WWOX: variants seen among roughly 807,000 people sequenced by gnomAD.
WWOX encodes the protein WW domain containing oxidoreductase.
In WWOX, 69 loss-of-function variants were observed where a neutral mutation model predicts 46.2. That is an observed-to-expected ratio of 1.49 (90% CI 1.23 to 1.82). The LOEUF (loss-of-function observed/expected upper bound fraction) is 1.82, where lower values mean the gene tolerates loss of function less well. Ranked by LOEUF, WWOX falls within the 40% of genes most tolerant of loss-of-function variation. The pLI is 0.00. For synonymous variants in WWOX, 359 were observed against 202.6 expected (o/e 1.77, Z -6.56); for missense variants, 919 against 542.6 (o/e 1.69, Z -6.89).
At chr16:78,670,698 GAT>G (rs1597422347) in intron 8 of WWOX, among the ~76,000 whole-genome samples, 1 of 152,164 alleles carries the variant, frequency 6.6e-6, no homozygotes, top group East Asian at 1.9e-4. Context: ...AAAAAACAGA[GAT>G]AGAGTCTTGC....
At chr16:78,923,228 A>C (rs540450132) in intron 8 of WWOX, among the ~76,000 whole-genome samples, 5 of 152,092 alleles carry the variant, frequency 3.3e-5, no homozygotes, top group Non-Finnish European at 7.3e-5. Context: ...TGATCTGCGT[A>C]ACTCGGCCTC....
chr16:78,801,304 G>T (rs1207419717), intron 8 of WWOX, among the ~76,000 whole-genome samples: 1 of 152,146 alleles, frequency 6.6e-6, no homozygotes, highest in Non-Finnish European at 1.5e-5. Context: ...GAGGTTGGGA[G>T]TTTGAGACCA....
intron 8 of WWOX, among the ~76,000 whole-genome samples, chr16:79,022,262 C>T (rs559894680): frequency 2.7e-4 from 40 of 146,014 alleles, no homozygotes; most frequent in African/African-American, 1.0e-3. Context: ...GCTTGGGGCA[C>T]ATTGGCAGCT....
chr16:79,005,995 C>G (rs963770160), intron 8 of WWOX, among the ~76,000 whole-genome samples: 1 of 152,168 alleles, frequency 6.6e-6, no homozygotes, highest in Non-Finnish European at 1.5e-5. Context: ...GTTTAGTCCC[C>G]TCTCTGCAAC....
chr16:78,275,982 C>T (rs184574845), intron 5 of WWOX, among the ~76,000 whole-genome samples: 5 of 152,284 alleles, frequency 3.3e-5, no homozygotes, highest in Admixed American at 1.3e-4. Flanking sequence ...TTAGCCCAGA[C>T]CCCCAAACTT....
chr16:79,193,658 G>A (rs540060518), intron 8 of WWOX, among the ~76,000 whole-genome samples: 1 of 152,138 alleles, frequency 6.6e-6, no homozygotes, highest in East Asian at 1.9e-4. Flanking sequence ...TTTTCTTACT[G>A]CCGGTCACCT....
chr16:78,578,837 C>T (rs968568072), intron 8 of WWOX, among the ~76,000 whole-genome samples: 9 of 152,188 alleles, frequency 5.9e-5, no homozygotes, highest in Non-Finnish European at 1.0e-4. Context: ...ACATGTGTTA[C>T]ATGCTACAGA....
rs528891228 is a variant in WWOX at position 78,719,952 on chromosome 16, T to C, written c.1056+287200T>C. ...GCACGTTTTCACCAAAGTGTTCTATTCTAAGCTAGTCTCAATTCAATTTAA... is the reference window on the plus strand; with the variant it reads ...GCACGTTTTCACCAAAGTGTTCTATCCTAAGCTAGTCTCAATTCAATTTAA... On this transcript the variant is annotated intron_variant, in intron 8 of 8. Coordinates refer to ENST00000566780, the MANE Select transcript of WWOX (RefSeq NM_016373.4). 7.9e-5 allele frequency among the ~76,000 whole-genome samples: 12 copies of C among 152,320 alleles called. No individual in the cohort carries two copies. In the East Asian group the frequency reaches 2.3e-3, roughly 29 times the overall value.
intron 8 of WWOX, among the ~76,000 whole-genome samples, chr16:79,127,760 C>G (rs967949685): frequency 1.1e-4 from 17 of 152,174 alleles, no homozygotes; most frequent in African/African-American, 4.1e-4. Flanking sequence ...GTGGCATTTC[C>G]TGACTCCATG....
intron 8 of WWOX, among the ~76,000 whole-genome samples, chr16:78,695,496 G>C (rs1297873728): frequency 6.6e-6 from 1 of 152,182 alleles, no homozygotes; most frequent in Non-Finnish European, 1.5e-5. Context: ...AGGTCATGGG[G>C]GCGGTTAGCT....
chr16:78,847,645 C>T (rs1345242667), intron 8 of WWOX, among the ~76,000 whole-genome samples: 2 of 151,832 alleles, frequency 1.3e-5, no homozygotes, highest in Admixed American at 6.6e-5. Flanking sequence ...CAACTGAGTT[C>T]ATTATTCTGA....
chr16:78,705,508 C>T (rs1220238684), intron 8 of WWOX, among the ~76,000 whole-genome samples: 5 of 152,156 alleles, frequency 3.3e-5, no homozygotes, highest in African/African-American at 9.7e-5. Context: ...CTCCCTTCGC[C>T]TCACACGTTT....
chr16:78,962,079 G>C lies in WWOX; in HGVS notation c.1057-249529G>C, dbSNP rs547767272. ...ATGATCCAGTGGGTTGGGCCATAAA[G>C]GAGCTTTGGAAAGGGACAGTCTTAG... is the stretch of plus-strand genomic sequence containing the variant. On this transcript the variant is annotated intron_variant, in intron 8 of 8. Coordinates refer to ENST00000566780, the MANE Select transcript of WWOX (RefSeq NM_016373.4). 2.6e-5 allele frequency among the ~76,000 whole-genome samples: 4 copies of C among 152,194 alleles called. No homozygotes were observed. The East Asian group carries it at 7.8e-4, about 30-fold the overall frequency.
At chr16:78,737,110 A>C (rs1364680594) in intron 8 of WWOX, among the ~76,000 whole-genome samples, 1 of 151,120 alleles carries the variant, frequency 6.6e-6, no homozygotes, top group Non-Finnish European at 1.5e-5. Context: ...TTATTTATTC[A>C]TTTATTTGAG....
intron 8 of WWOX, among the ~76,000 whole-genome samples, chr16:78,800,400 A>G (rs2050855610): frequency 6.6e-6 from 1 of 152,152 alleles, no homozygotes; most frequent in South Asian, 2.1e-4. Flanking sequence ...TCGTTATATA[A>G]TATCTGCAGG....
chr16:78,913,007 C>T (rs188926966), intron 8 of WWOX, among the ~76,000 whole-genome samples: 2 of 152,168 alleles, frequency 1.3e-5, no homozygotes, highest in East Asian at 3.9e-4. Flanking sequence ...AGCCTTCCAT[C>T]TCTCGAGTTG....
At chr16:78,908,978 A>G (rs560460619) in intron 8 of WWOX, among the ~76,000 whole-genome samples, 2 of 152,344 alleles carry the variant, frequency 1.3e-5, no homozygotes, top group East Asian at 3.9e-4. Context: ...TAGTCCTGCA[A>G]AGGCAGTCTA....
At chr16:78,661,028 T>A (rs1421426323) in intron 8 of WWOX, among the ~76,000 whole-genome samples, 16 of 152,190 alleles carry the variant, frequency 1.1e-4, no homozygotes. Context: ...ACACATGACT[T>A]AGTAATGAAT....
intron 8 of WWOX, among the ~76,000 whole-genome samples, chr16:78,619,400 G>A (rs577956017): frequency 7.0e-5 from 10 of 143,722 alleles, no homozygotes; most frequent in South Asian, 4.5e-4. Flanking sequence ...GTAGAAAAGG[G>A]CACACACTCC....
Sources: gnomAD v4.1 joint callset for allele counts (sites outside exome capture counted in the v4.1 genomes callset) on GRCh38, gnomAD v4.1.1 for gene constraint, MANE v1.5 for transcripts, NCBI Gene and HGNC (gene_info 2026-07-23, HGNC 2026-07-21) for gene names.